Variants in DLG2 observed in about 807,000 individuals in gnomAD.
The protein encoded by DLG2 is discs large MAGUK scaffold protein 2.
In DLG2, 45 loss-of-function variants were observed where a neutral mutation model predicts 132.5. The ratio of observed to expected loss-of-function variants is 0.34; its 90% CI spans 0.27 to 0.44. The LOEUF (loss-of-function observed/expected upper bound fraction) is 0.44, where lower values mean the gene tolerates loss of function less well. DLG2 is among the 20% of genes least tolerant of loss of function. The pLI, the probability that DLG2 is intolerant of heterozygous loss-of-function variation, is 1.00. For synonymous variants in DLG2, 424 were observed against 419.6 expected, an observed-to-expected ratio of 1.01 and a Z score of -0.13; for missense variants, 1,045 against 1,196.9, an observed-to-expected ratio of 0.87 and a Z score of 1.87.
At chr11:85,322,276 C>T (rs1209780684) in intron 3 of DLG2, among the ~76,000 whole-genome samples, 1 of 152,094 alleles carries the variant, frequency 6.6e-6, no homozygotes, top group Non-Finnish European at 1.5e-5. Flanking sequence ...AGCTTATATT[C>T]CTTGGTCCAT....
At chr11:85,451,373 T>C (rs747383322) in intron 3 of DLG2, among the ~76,000 whole-genome samples, 3 of 152,230 alleles carry the variant, frequency 2.0e-5, no homozygotes, top group Non-Finnish European at 4.4e-5. Flanking sequence ...TTTAACTGTT[T>C]ACTCAGTAAC....
At chr11:83,631,167 C>CTTTTTTT (rs57696126) in intron 19 of DLG2, 37 of 91,584 alleles carry the variant, frequency 4.0e-4, no homozygotes, top group Middle Eastern at 6.8e-3. Context: ...TTGCTTCTTG[C>CTTTTTTT]TTTTTTTTTT....
At chr11:83,702,083 G>A (rs1348955015) in intron 18 of DLG2, among the ~76,000 whole-genome samples, 1 of 152,140 alleles carries the variant, frequency 6.6e-6, no homozygotes, top group Admixed American at 6.5e-5. Flanking sequence ...GATCTTGCCA[G>A]GGACTTACCC....
intron 7 of DLG2, among the ~76,000 whole-genome samples, chr11:84,479,110 A>T (rs777354960): frequency 1.3e-5 from 2 of 152,126 alleles, no homozygotes; most frequent in Non-Finnish European, 2.9e-5. Flanking sequence ...GACTTCTTTA[A>T]TAATGATGAC....
rs567539205 is a variant in DLG2 at position 84,603,911 on chromosome 11, G to T, written c.358-69180C>A. ...AAACAAATATTCAATAATACACAAT[G>T]ATTAGTTTTTGACATGGAAAAATGG... On this transcript the variant is annotated intron_variant, in intron 6 of 27. Transcript: ENST00000376104. Among the ~76,000 whole-genome samples the T allele has an allele frequency of 2.0e-5, 3 of 151,976 alleles. No homozygotes were observed. The East Asian group carries it at 5.8e-4, about 29-fold the overall frequency.
At chr11:84,773,134 A>G (rs944183539) in intron 6 of DLG2, among the ~76,000 whole-genome samples, 3 of 152,206 alleles carry the variant, frequency 2.0e-5, no homozygotes, top group Admixed American at 6.6e-5. Context: ...AAAGCTCTCC[A>G]GAAACCATTA....
At chr11:84,666,557 C>A (rs2099699970) in intron 6 of DLG2, among the ~76,000 whole-genome samples, 1 of 151,978 alleles carries the variant, frequency 6.6e-6, no homozygotes, top group Non-Finnish European at 1.5e-5. Flanking sequence ...TTACAGGAAT[C>A]AAGTATTTAG....
At chr11:83,650,783 T>C (rs1405905825) in intron 18 of DLG2, among the ~76,000 whole-genome samples, 1 of 152,176 alleles carries the variant, frequency 6.6e-6, no homozygotes, top group African/African-American at 2.4e-5. Context: ...TTTCTTTGCC[T>C]CAGATATCAT....
intron 6 of DLG2, among the ~76,000 whole-genome samples, chr11:84,767,606 A>T (rs2068615838): frequency 6.6e-6 from 1 of 151,988 alleles, no homozygotes; most frequent in African/African-American, 2.4e-5. Context: ...CCTAACCTGG[A>T]ACATGTTTCC....
chr11:84,748,792 T>A (rs1247951131), intron 6 of DLG2, among the ~76,000 whole-genome samples: 1 of 152,174 alleles, frequency 6.6e-6, no homozygotes, highest in African/African-American at 2.4e-5. Context: ...AATACTTGGC[T>A]ACTAAGAAGG....
chr11:83,949,746 C>G (rs2084932927), intron 14 of DLG2, among the ~76,000 whole-genome samples: 1 of 152,190 alleles, frequency 6.6e-6, no homozygotes, highest in East Asian at 1.9e-4. Flanking sequence ...CTTCGTGTTT[C>G]CCCCTTGACA....
At chr11:84,251,774 A>G (rs2097379659) in intron 7 of DLG2, among the ~76,000 whole-genome samples, 1 of 150,860 alleles carries the variant, frequency 6.6e-6, no homozygotes, top group Non-Finnish European at 1.5e-5. Context: ...CCAAGTAGCT[A>G]CGACTACAGG....
chr11:85,510,615 T>G (rs956128770), intron 3 of DLG2, among the ~76,000 whole-genome samples: 2 of 151,760 alleles, frequency 1.3e-5, no homozygotes, highest in Non-Finnish European at 2.9e-5. Flanking sequence ...AAAAAACACA[T>G]GAAAAATGCT....
chr11:85,108,001 C>T (rs1189451916), intron 6 of DLG2, among the ~76,000 whole-genome samples: 3 of 42,310 alleles, frequency 7.1e-5, no homozygotes, highest in African/African-American at 1.9e-4. Flanking sequence ...AAAAAACAAA[C>T]AAATAAACAC....
At chr11:83,503,352 TACAC>T (rs1170309965) in intron 21 of DLG2, among the ~76,000 whole-genome samples, 9 of 95,990 alleles carry the variant, frequency 9.4e-5, no homozygotes, top group African/African-American at 3.0e-4. Context: ...TTTATATATA[TACAC>T]ACACACACCC....
chr11:84,778,492 G>A (rs1231546756), intron 6 of DLG2, among the ~76,000 whole-genome samples: 1 of 152,032 alleles, frequency 6.6e-6, no homozygotes, highest in Non-Finnish European at 1.5e-5. Flanking sequence ...GTGCAAAATT[G>A]TTGGTATTTT....
intron 7 of DLG2, among the ~76,000 whole-genome samples, chr11:84,299,763 A>G (rs2098131964): frequency 6.6e-6 from 1 of 152,186 alleles, no homozygotes; most frequent in Non-Finnish European, 1.5e-5. Flanking sequence ...CTCTTTCCTC[A>G]ACGTACTTAC....
intron 3 of DLG2, among the ~76,000 whole-genome samples, chr11:85,480,019 G>T (rs537432340): frequency 6.6e-6 from 1 of 152,214 alleles, no homozygotes; most frequent in South Asian, 2.1e-4. Context: ...GGTACTAGGG[G>T]TAGGACTTCA....
chr11:83,899,153 A>G (rs796197575), intron 15 of DLG2, among the ~76,000 whole-genome samples: 8 of 152,064 alleles, frequency 5.3e-5, no homozygotes, highest in Admixed American at 2.0e-4. Flanking sequence ...TCTTGTTGCT[A>G]AATCTGTTCT....
Sources: gnomAD v4.1 joint callset for allele counts (sites outside exome capture counted in the v4.1 genomes callset) on GRCh38, gnomAD v4.1.1 for gene constraint, MANE v1.5 for transcripts, NCBI Gene and HGNC (gene_info 2026-07-23, HGNC 2026-07-21) for gene names.